The following CHL1 variants were observed in gnomAD, a reference collection of about 807,000 sequenced individuals.
CHL1 encodes the protein neural cell adhesion molecule L1-like protein.
A neutral mutation model predicts 141.9 loss-of-function variants in CHL1; 96 were observed. The observed-to-expected ratio is 0.68, with a 90% CI of 0.57 to 0.80. The LOEUF is 0.80. Ranked by LOEUF, CHL1 falls within the 30% of genes least tolerant of loss-of-function variation. The probability of loss-of-function intolerance (pLI) is 0.00; values close to 1 mark genes in which losing one functional copy is unlikely to be tolerated. For missense variants in CHL1, 1,820 were observed against 1,457.2 expected, an observed-to-expected ratio of 1.25 and a Z score of -4.05; for synonymous variants, 613 against 502.2, an observed-to-expected ratio of 1.22 and a Z score of -2.95.
At chr3:306,885 T>TAC (rs2124946513) in intron 2 of CHL1, among the ~76,000 whole-genome samples, 1 of 152,308 alleles carries the variant, frequency 6.6e-6, no homozygotes, top group African/African-American at 2.4e-5. Context: ...TCCCTGTCAC[T>TAC]ACAAGATCCT....
At chr3:354,590 A>G (rs1288637010) in intron 10 of CHL1, 50 bp from the exon 11 acceptor site, 15 of 1,561,446 alleles carry the variant, frequency 9.6e-6, no homozygotes, top group Non-Finnish European at 1.1e-5. Context: ...ACATTTTTGG[A>G]CTTTTTGACA....
At chr3:314,970 T>G (rs1485148518) in intron 2 of CHL1, among the ~76,000 whole-genome samples, 1 of 152,138 alleles carries the variant, frequency 6.6e-6, no homozygotes, top group African/African-American at 2.4e-5. Flanking sequence ...GTATTTTATA[T>G]CAATCAATAT....
chr3:216,496 A>C (rs1700332334), intron 1 of CHL1, among the ~76,000 whole-genome samples: 1 of 152,220 alleles, frequency 6.6e-6, no homozygotes, highest in South Asian at 2.1e-4. Context: ...TGAATGAAAG[A>C]CTAGCCTTTG....
chr3:328,114 C>T lies in CHL1; in HGVS notation c.198-53C>T, dbSNP rs893728844. On this transcript the variant is annotated intron_variant, in intron 4 of 27. Coordinates refer to ENST00000256509, the MANE Select transcript of CHL1 (RefSeq NM_006614.4). ...TTTTATGCAATTGTTAATAAGTACTCTAAACATATGTCATTATTTTTCAGG... is the reference window on the plus strand; with the variant it reads ...TTTTATGCAATTGTTAATAAGTACTTTAAACATATGTCATTATTTTTCAGG... The T allele has an allele frequency of 1.3e-5, 18 of 1,412,194 alleles. No homozygotes were observed. The Admixed American group carries it at 3.6e-4, about 28-fold the overall frequency. 87.5% of individuals were successfully genotyped at this position (1,412,194 alleles called of 1,614,324 possible).
chr3:333,355 G>A (rs1027911404), intron 5 of CHL1, among the ~76,000 whole-genome samples: 1 of 151,604 alleles, frequency 6.6e-6, no homozygotes, highest in Non-Finnish European at 1.5e-5. Context: ...GTAGAGAATT[G>A]GTTCTTCTCA....
At chr3:384,113 A>G (rs1406753882) in intron 19 of CHL1, among the ~76,000 whole-genome samples, 1 of 152,206 alleles carries the variant, frequency 6.6e-6, no homozygotes, top group Non-Finnish European at 1.5e-5. Context: ...GATTATACAG[A>G]TTGATTTAGT....
chr3:355,370 CA>C lies in CHL1; in HGVS notation c.1165+602del, dbSNP rs146435568. 7.7e-3 allele frequency among the ~76,000 whole-genome samples: 1,173 copies of C among 152,276 alleles called. 17 individuals are homozygous for C. Among genetic ancestry groups the C allele is most frequent in the African/African-American group, 0.027 (1,132 of 41,554 alleles). On this transcript the variant is annotated intron_variant, in intron 11 of 27. Transcript: ENST00000256509. ...TGCCCGGTCCACCCTGAGCCCACTC[CA>C]AATGGGCTGGGCGGGGAAAGACAGG...
At chr3:336,875 G>A (rs1423921817) in intron 5 of CHL1, among the ~76,000 whole-genome samples, 2 of 152,158 alleles carry the variant, frequency 1.3e-5, no homozygotes, top group African/African-American at 2.4e-5. Context: ...GATAGTTGTG[G>A]TAATAAGACT....
chr3:375,515 G>A (rs1368288220), intron 15 of CHL1, among the ~76,000 whole-genome samples: 1 of 151,806 alleles, frequency 6.6e-6, no homozygotes, highest in African/African-American at 2.4e-5. Context: ...ATAGTGAAAG[G>A]TCTCTTTCTA....
At chr3:237,778 A>G (rs1188511291) in intron 1 of CHL1, among the ~76,000 whole-genome samples, 2 of 152,186 alleles carry the variant, frequency 1.3e-5, no homozygotes, top group African/African-American at 2.4e-5. Context: ...TCTGACATAT[A>G]ATCTGTCTTC....
At chr3:293,800 A>G (rs1697930016) in intron 2 of CHL1, among the ~76,000 whole-genome samples, 1 of 147,022 alleles carries the variant, frequency 6.8e-6, no homozygotes, top group South Asian at 2.2e-4. Context: ...GAAAGGCTGG[A>G]GAAGATTTTT....
At chr3:340,756 A>G (rs1220241312) in intron 5 of CHL1, 38 bp from the exon 6 acceptor site, 7 of 1,514,350 alleles carry the variant, frequency 4.6e-6, no homozygotes, top group Non-Finnish European at 6.3e-6. Context: ...GTCAAAGTTA[A>G]TTTTAAAATA....
chr3:229,529 C>G (rs1350897430), intron 1 of CHL1, among the ~76,000 whole-genome samples: 1 of 152,298 alleles, frequency 6.6e-6, no homozygotes, highest in East Asian at 1.9e-4. Context: ...GTTGGCTAAG[C>G]AGAACTCAGT....
chr3:351,508 G>A (rs866165826), intron 10 of CHL1, among the ~76,000 whole-genome samples: 51 of 152,096 alleles, frequency 3.4e-4, no homozygotes, highest in African/African-American at 1.2e-3. Flanking sequence ...CTGGATGGAT[G>A]AGCTCGTGTT....
At chr3:232,253 T>A (rs1701930815) in intron 1 of CHL1, among the ~76,000 whole-genome samples, 1 of 152,188 alleles carries the variant, frequency 6.6e-6, no homozygotes. Flanking sequence ...GTGACACAAC[T>A]GTTTTTGTAT....
intron 2 of CHL1, among the ~76,000 whole-genome samples, chr3:260,669 G>C (rs968014263): frequency 6.6e-6 from 1 of 152,160 alleles, no homozygotes; most frequent in Non-Finnish European, 1.5e-5. Context: ...CACAGCTGGG[G>C]TGTAGTTTGG....
At position 406,263 on chromosome 3, in the gene CHL1, C is replaced by G. The variant is rs1212698669; in HGVS notation, c.*552C>G. The G allele has an allele frequency of 6.6e-6, 1 of 152,368 alleles. No homozygotes were observed. Among genetic ancestry groups the G allele is most frequent in the African/African-American group, 2.4e-5 (1 of 41,560 alleles). The allele number at this position is 152,368 out of a possible 1,614,324, so 9.4% of individuals were successfully genotyped here. A position where few individuals can be genotyped will look rare whatever the true frequency, so the allele number is the denominator to read the frequency against. ...TTTACTAGCAAAAGTCTTAGGTGAA[C>G]AATCAACTAGTATTTGTTGAGCTCC... On this transcript the variant is annotated 3_prime_UTR_variant, in exon 28 of 28. Coordinates refer to ENST00000256509, the MANE Select transcript of CHL1 (RefSeq NM_006614.4).
chr3:357,430 C>T (rs781091442), intron 11 of CHL1, among the ~76,000 whole-genome samples: 8 of 152,158 alleles, frequency 5.3e-5, no homozygotes, highest in Non-Finnish European at 1.0e-4. Flanking sequence ...TTCTGAACCT[C>T]GTAGCAGCTT....
chr3:372,864 T>C (rs1424133261), intron 15 of CHL1, among the ~76,000 whole-genome samples: 1 of 152,022 alleles, frequency 6.6e-6, no homozygotes, highest in Non-Finnish European at 1.5e-5. Context: ...CTACCTTCTG[T>C]AGGGCTGCTG....
Sources: gnomAD v4.1 joint callset for allele counts (sites outside exome capture counted in the v4.1 genomes callset) on GRCh38, gnomAD v4.1.1 for gene constraint, MANE v1.5 for transcripts, NCBI Gene and HGNC (gene_info 2026-07-23, HGNC 2026-07-21) for gene names.